GPC5: variants seen among roughly 807,000 people sequenced by gnomAD.
GPC5 encodes the protein glypican-5.
A neutral mutation model predicts 53.9 loss-of-function variants in GPC5; 47 were observed. That is an observed-to-expected ratio of 0.87 (90% CI 0.69 to 1.11). The LOEUF is 1.11. Ranked by LOEUF, GPC5 falls within the 50% of genes most tolerant of loss-of-function variation. GPC5 has a pLI of 0.00. For synonymous variants in GPC5, 286 were observed against 263.3 expected, an observed-to-expected ratio of 1.09 and a Z score of -0.84; for missense variants, 748 against 713.1, an observed-to-expected ratio of 1.05 and a Z score of -0.56.
At chr13:91,938,527 A>G (rs968229828) in intron 6 of GPC5, among the ~76,000 whole-genome samples, 9 of 152,128 alleles carry the variant, frequency 5.9e-5, no homozygotes, top group African/African-American at 1.7e-4. Flanking sequence ...ACTAAGATTG[A>G]TTCCTTTGAA....
At chr13:92,758,025 A>G (rs1370444404) in intron 7 of GPC5, among the ~76,000 whole-genome samples, 1 of 151,136 alleles carries the variant, frequency 6.6e-6, no homozygotes, top group Non-Finnish European at 1.5e-5. Context: ...ATAAAGACAC[A>G]TGCACACGTA....
intron 5 of GPC5, among the ~76,000 whole-genome samples, chr13:91,870,237 G>A (rs369657953): frequency 2.0e-5 from 3 of 152,114 alleles, no homozygotes; most frequent in Non-Finnish European, 4.4e-5. Flanking sequence ...CTTATGCACC[G>A]TAGAGTATGA....
intron 6 of GPC5, among the ~76,000 whole-genome samples, chr13:91,920,924 C>CTTTTTTTT (rs1447586700): frequency 3.4e-5 from 2 of 59,594 alleles, no homozygotes; most frequent in African/African-American, 1.4e-4. Flanking sequence ...CTCTCTCTCT[C>CTTTTTTTT]TCTTTTTTTT....
intron 7 of GPC5, among the ~76,000 whole-genome samples, chr13:92,782,501 C>T (rs1443156937): frequency 6.6e-6 from 1 of 151,938 alleles, no homozygotes; most frequent in Non-Finnish European, 1.5e-5. Flanking sequence ...TATACTGAAT[C>T]CTAAAGAATG....
At chr13:92,379,678 C>A (rs965556364) in intron 7 of GPC5, among the ~76,000 whole-genome samples, 4 of 151,720 alleles carry the variant, frequency 2.6e-5, no homozygotes, top group African/African-American at 9.7e-5. Context: ...ATATTAGTTC[C>A]TCTCTGTGCC....
intron 2 of GPC5, among the ~76,000 whole-genome samples, chr13:91,590,343 A>C (rs920051204): frequency 3.9e-5 from 6 of 152,060 alleles, no homozygotes; most frequent in Admixed American, 3.9e-4. Flanking sequence ...TCTTCAAATT[A>C]TTCCCCTCAA....
intron 6 of GPC5, among the ~76,000 whole-genome samples, chr13:92,078,481 G>A (rs1441391130): frequency 1.3e-5 from 2 of 152,130 alleles, no homozygotes; most frequent in South Asian, 4.1e-4. Flanking sequence ...AAAATACCTA[G>A]AACAATGCTT....
chr13:91,861,475 C>G (rs751508523), intron 5 of GPC5, among the ~76,000 whole-genome samples: 1 of 152,062 alleles, frequency 6.6e-6, no homozygotes, highest in Non-Finnish European at 1.5e-5. Flanking sequence ...CCCATTTTCT[C>G]TGATAATGCA....
chr13:91,590,691 C>T (rs901252263), intron 2 of GPC5, among the ~76,000 whole-genome samples: 1 of 152,148 alleles, frequency 6.6e-6, no homozygotes, highest in Non-Finnish European at 1.5e-5. Flanking sequence ...CTGCTTTTCC[C>T]AGGGGCTTAA....
intron 6 of GPC5, among the ~76,000 whole-genome samples, chr13:91,975,306 A>G (rs2040288580): frequency 6.6e-6 from 1 of 152,210 alleles, no homozygotes. Flanking sequence ...TGCACAGCAA[A>G]AGAAACTACC....
chr13:92,476,642 C>T (rs900718999), intron 7 of GPC5, among the ~76,000 whole-genome samples: 1 of 148,724 alleles, frequency 6.7e-6, no homozygotes, highest in Non-Finnish European at 1.5e-5. Context: ...TTGGAACCAA[C>T]CCAAATGTCC....
chr13:92,186,162 A>C (rs1007756786), intron 7 of GPC5, among the ~76,000 whole-genome samples: 14 of 152,018 alleles, frequency 9.2e-5, no homozygotes, highest in Non-Finnish European at 1.6e-4. Flanking sequence ...ATCTTTTAAC[A>C]AAAGCATTCT....
intron 2 of GPC5, among the ~76,000 whole-genome samples, chr13:91,466,548 G>A (rs76874583): frequency 0.028 from 4,322 of 152,176 alleles, 74 homozygotes; most frequent in South Asian, 0.047. Context: ...AGGATTCCAG[G>A]TCATTTCTTC....
chr13:92,038,286 G>A (rs1231328178), intron 6 of GPC5, among the ~76,000 whole-genome samples: 2 of 151,676 alleles, frequency 1.3e-5, no homozygotes, highest in African/African-American at 4.8e-5. Context: ...TTTGTACATT[G>A]AGGGAGAAAT....
chr13:92,152,536 A>T (rs2041914474), intron 7 of GPC5, among the ~76,000 whole-genome samples: 2 of 152,078 alleles, frequency 1.3e-5, no homozygotes, highest in Non-Finnish European at 2.9e-5. Flanking sequence ...GGAATGTTTG[A>T]TAAAATTGGG....
intron 2 of GPC5, among the ~76,000 whole-genome samples, chr13:91,505,203 A>G (rs1487947915): frequency 2.0e-5 from 3 of 152,212 alleles, no homozygotes; most frequent in African/African-American, 7.2e-5. Flanking sequence ...AGGAAGATCA[A>G]TCTTAATAAC....
In GPC5 at chr13:92,636,006, T is replaced by C. The variant is rs984534009; in HGVS notation, c.1562-230276T>C. ...CAATAATGGCGAAGACAAATGGAGA[T>C]GAATTATAAATAGAGTGAATAAATT... On this transcript the variant is annotated intron_variant, in intron 7 of 7. Coordinates refer to ENST00000377067, the MANE Select transcript of GPC5 (RefSeq NM_004466.6). 4.6e-5 allele frequency among the ~76,000 whole-genome samples: 7 copies of C among 152,224 alleles called. No individual in the cohort carries two copies. In the East Asian group the frequency reaches 1.3e-3, roughly 29 times the overall value.
intron 6 of GPC5, among the ~76,000 whole-genome samples, chr13:92,141,591 A>G (rs1293746305): frequency 1.3e-5 from 2 of 152,150 alleles, no homozygotes; most frequent in Non-Finnish European, 2.9e-5. Flanking sequence ...TGAGGGTTAG[A>G]GAGTGTATTC....
chr13:92,222,195 AG>A (rs1289519661), intron 7 of GPC5, among the ~76,000 whole-genome samples: 1 of 152,210 alleles, frequency 6.6e-6, no homozygotes, highest in Non-Finnish European at 1.5e-5. Flanking sequence ...GGGTGACAAA[AG>A]CCCTCAGAGC....
Sources: allele counts gnomAD v4.1 joint callset (sites outside exome capture counted in the v4.1 genomes callset), GRCh38; gene constraint gnomAD v4.1.1; transcripts MANE v1.5; gene names NCBI Gene and HGNC (gene_info 2026-07-23, HGNC 2026-07-21).